The following ATP13A3 variants were observed in gnomAD, a reference collection of about 807,000 sequenced individuals.
ATP13A3 encodes the protein polyamine-transporting ATPase 13A3.
A neutral mutation model predicts 158.1 loss-of-function variants in ATP13A3; 59 were observed. The observed-to-expected ratio is 0.37, with a 90% CI of 0.30 to 0.46. ATP13A3 has a LOEUF of 0.46. Among genes scored for constraint, ATP13A3 ranks in the 20% least tolerant of loss-of-function variants. ATP13A3 has a pLI of 1.00. For synonymous variants in ATP13A3, 491 were observed against 504.3 expected (o/e 0.97, Z 0.35); for missense variants, 1,166 against 1,525.2 (o/e 0.76, Z 3.92).
rs569667267 is a variant in ATP13A3, at chr3:194,448,803, T to G, written c.971-167A>C. ...GTATATGTGGACAACATGGCTTAAT[T>G]TTTTGTCTACCAATTTCCTCACATA... On this transcript the variant is annotated intron_variant, in intron 11 of 33. Coordinates refer to ENST00000645319, the MANE Select transcript of ATP13A3 (RefSeq NM_001367549.1). The surrounding 1 kb of genome is among the most constrained non-coding windows in gnomAD (Gnocchi z 4.0). Among the ~76,000 whole-genome samples, 7 of 152,338 alleles carry G rather than the reference T, an allele frequency of 4.6e-5. No individual in the cohort carries two copies. Among genetic ancestry groups the G allele is most frequent in the African/African-American group, 1.7e-4 (7 of 41,568 alleles).
intron 28 of ATP13A3, 69 bp from the exon 29 acceptor site, chr3:194,427,321 G>C (rs1413477815): frequency 6.6e-6 from 9 of 1,356,560 alleles, no homozygotes; most frequent in Non-Finnish European, 8.9e-6. Context: ...GGCATAACTA[G>C]ATTCATTTAG....
intron 2 of ATP13A3, among the ~76,000 whole-genome samples, chr3:194,493,056 C>G (rs149337077): frequency 6.6e-6 from 1 of 150,790 alleles, no homozygotes; most frequent in Non-Finnish European, 1.5e-5. Context: ...ATTGCCTAAG[C>G]GCAGGAGTTT....
At chr3:194,433,330 G>A (rs1345310770) in intron 21 of ATP13A3, among the ~76,000 whole-genome samples, 2 of 143,094 alleles carry the variant, frequency 1.4e-5, no homozygotes, top group African/African-American at 2.6e-5. Context: ...TGCAAGCTCC[G>A]CTTCCCGGGT....
rs576792483 is a variant in ATP13A3, at chr3:194,438,176, C to G, written c.1828-603G>C. On this transcript the variant is annotated intron_variant, in intron 17 of 33. Coordinates refer to ENST00000645319, the MANE Select transcript of ATP13A3 (RefSeq NM_001367549.1). Reference sequence around the variant, plus strand: ...CTCCAGCTCAAAAAATAATAATAAACTCTGGAAAGAACAAATATAAACAGG... The same window carrying G: ...CTCCAGCTCAAAAAATAATAATAAAGTCTGGAAAGAACAAATATAAACAGG... 2.0e-5 allele frequency among the ~76,000 whole-genome samples: 3 copies of G among 152,130 alleles called. No individual in the cohort carries two copies. The South Asian group carries it at 6.2e-4, about 32-fold the overall frequency.
intron 30 of ATP13A3, among the ~76,000 whole-genome samples, chr3:194,424,922 T>C (rs1329341425): frequency 6.6e-6 from 1 of 152,142 alleles, no homozygotes; most frequent in Non-Finnish European, 1.5e-5. Context: ...GAGGAAAGTA[T>C]AATACCTACT....
chr3:194,425,225 G>T, intron 30 of ATP13A3, 117 bp downstream of exon 30: 1 of 994,760 alleles, frequency 1.0e-6, no homozygotes. Context: ...AAATCACTAA[G>T]TTGATTCTAT....
At chr3:194,433,285 G>A (rs535421749) in intron 21 of ATP13A3, among the ~76,000 whole-genome samples, 14 of 138,436 alleles carry the variant, frequency 1.0e-4, no homozygotes, top group Admixed American at 1.6e-4. Context: ...CGCCCAGGCC[G>A]GACTGCGGAC....
intron 31 of ATP13A3, among the ~76,000 whole-genome samples, chr3:194,418,758 T>C (rs537929810): frequency 6.6e-6 from 1 of 152,368 alleles, no homozygotes; most frequent in Admixed American, 6.5e-5. Context: ...ATGCTCATCA[T>C]GATACCAGAA....
chr3:194,477,720 T>C (rs1165942484), intron 2 of ATP13A3, among the ~76,000 whole-genome samples: 1 of 152,188 alleles, frequency 6.6e-6, no homozygotes, highest in East Asian at 1.9e-4. Flanking sequence ...GGACACTCTA[T>C]CGCACAGAAA....
chr3:194,417,989 G>GGAAGGA (rs1172020250), intron 31 of ATP13A3, among the ~76,000 whole-genome samples: 179 of 87,994 alleles, frequency 2.0e-3, no homozygotes, highest in African/African-American at 0.012. Flanking sequence ...GGAAGGAAGG[G>GGAAGGA]AGGGAGGGAG....
Position 194,410,331 on chromosome 3 carries a change from A to AAAAC in ATP13A3, c.3573+1867_3573+1868insGTTT, listed in dbSNP as rs869283016. Among the ~76,000 whole-genome samples, 259 of 132,850 alleles carry AAAAC rather than the reference A, an allele frequency of 1.9e-3. 2 individuals carry two copies. Among genetic ancestry groups the AAAAC allele is most frequent in the African/African-American group, 3.0e-3 (105 of 34,872 alleles). 87.2% of individuals were successfully genotyped at this position (132,850 alleles called of 152,430 possible). A position where few individuals can be genotyped will look rare whatever the true frequency, so the allele number is the denominator to read the frequency against. ...AAAAAAAAAAAAAAAAAAAAAAAAAACTGCTGGGCCTGGGATGGCATGCAC... is the reference window on the plus strand; with the variant it reads ...AAAAAAAAAAAAAAAAAAAAAAAAAAAAACCTGCTGGGCCTGGGATGGCATGCAC... On this transcript the variant is annotated intron_variant, in intron 33 of 33. Transcript: ENST00000645319.
intron 2 of ATP13A3, among the ~76,000 whole-genome samples, chr3:194,476,743 G>C (rs949863566): frequency 2.8e-4 from 42 of 150,638 alleles, no homozygotes; most frequent in African/African-American, 1.0e-3. Flanking sequence ...ACTGGTAAAA[G>C]AGTACCTTCA....
chr3:194,420,240 A>T (rs1716196510), intron 30 of ATP13A3: 1 of 193,744 alleles, frequency 5.2e-6, no homozygotes, highest in Non-Finnish European at 1.0e-5. Flanking sequence ...ACTTAAAAAA[A>T]TAAGACTCAG....
In ATP13A3 at chr3:194,403,491, AGT is replaced by A. The variant is rs1714747722; in HGVS notation, c.*2426_*2427del. On this transcript the variant is annotated 3_prime_UTR_variant, in exon 34 of 34. Transcript: ENST00000645319. ...TAAAAATCTTGTTATTTATTTAAAAAGTTAAAAAGTTACATATCATTATTTAA... is the reference window on the plus strand; with the variant it reads ...TAAAAATCTTGTTATTTATTTAAAAATAAAAAGTTACATATCATTATTTAA... The A allele has an allele frequency of 1.3e-5, 2 of 152,262 alleles. No individual in the cohort carries two copies. The highest frequency in any genetic ancestry group is 2.9e-5 in the Non-Finnish European group (2 of 68,046). 9.4% of individuals were successfully genotyped at this position (152,262 alleles called of 1,614,324 possible). A position where few individuals can be genotyped will look rare whatever the true frequency, so the allele number is the denominator to read the frequency against.
In ATP13A3 at chr3:194,437,345, G is replaced by A. The variant is rs1264524565; in HGVS notation, c.1965C>T (p.Pro655=). ...GTTTACAGAGACCGGCAATGGCCTCGGGCGCTCCTTTCATGTAGGCGTCCA... is the reference window on the plus strand; with the variant it reads ...GTTTACAGAGACCGGCAATGGCCTCAGGCGCTCCTTTCATGTAGGCGTCCA... ...RKMDAYMKGA[P]EAIAGLCKPE... Residue 655 remains proline (P), a synonymous_variant, in exon 19 of 34, where the codon CCC becomes CCT. Transcript: ENST00000645319. The A allele has an allele frequency of 8.1e-6, 13 of 1,614,110 alleles. No individual in the cohort carries two copies. Among genetic ancestry groups the A allele is most frequent in the East Asian group, 4.5e-5 (2 of 44,884 alleles).
At position 194,421,944 on chromosome 3, in the gene ATP13A3, C is replaced by CAA. The variant is rs397972334; in HGVS notation, c.3314-1979_3314-1978dup. 1.1e-3 allele frequency among the ~76,000 whole-genome samples: 111 copies of CAA among 97,472 alleles called. 2 individuals are homozygous for CAA. The highest frequency in any genetic ancestry group is 4.3e-3 in the African/African-American group (100 of 23,136). The allele number at this position is 97,472 out of a possible 152,430, so 63.9% of individuals were successfully genotyped here. On this transcript the variant is annotated intron_variant, in intron 30 of 33. Transcript: ENST00000645319. ...TGGTTCTTGACATGTGTGTCGTTGG[C>CAA]AAAAAAAAAAAAAAAAAATTTACTC... is the stretch of plus-strand genomic sequence containing the variant.
chr3:194,458,940 G>C (rs909151837), intron 6 of ATP13A3: 1 of 152,194 alleles, frequency 6.6e-6, no homozygotes, highest in African/African-American at 2.4e-5. Flanking sequence ...ATATTAATGA[G>C]TATTTATAAT....
intron 2 of ATP13A3, among the ~76,000 whole-genome samples, chr3:194,470,071 T>C (rs962977028): frequency 2.0e-5 from 3 of 152,174 alleles, no homozygotes; most frequent in Non-Finnish European, 4.4e-5. Context: ...AATGACATAA[T>C]ATAATTTAAT....
In ATP13A3 at chr3:194,431,892, C is replaced by T; in HGVS notation, c.2246G>A (p.Gly749Asp). ...AGAGACAGCAGTCAACATACTGTCA[C>T]CTAATTTTCAAAATATTTTAAATGT... Reference protein sequence around the residue: ...KANIRTVMVTGDSMLTAVSVA... With the variant: ...KANIRTVMVTDDSMLTAVSVA... The change falls in exon 22 of 34, where the codon GGT (glycine) becomes GAT (aspartate). Residue 749 changes from glycine (G) to aspartate (D), a missense_variant and splice_region_variant. Transcript: ENST00000645319. The T allele has an allele frequency of 6.4e-7, 1 of 1,565,478 alleles. No individual in the cohort carries two copies. The highest frequency in any genetic ancestry group is 1.2e-5 in the South Asian group (1 of 83,796).
Sources: allele counts gnomAD v4.1 joint callset (sites outside exome capture counted in the v4.1 genomes callset), GRCh38; gene constraint gnomAD v4.1.1; non-coding constraint Gnocchi (gnomAD v3.1); transcripts MANE v1.5; gene names NCBI Gene and HGNC (gene_info 2026-07-23, HGNC 2026-07-21).